Variants in SLC2A5 observed in about 807,000 individuals in gnomAD.
SLC2A5 encodes solute carrier family 2, facilitated glucose transporter member 5.
A neutral mutation model predicts 50.3 loss-of-function variants in SLC2A5; 56 were observed. The ratio of observed to expected loss-of-function variants is 1.11; its 90% CI spans 0.90 to 1.39. SLC2A5 has a LOEUF of 1.39. Among genes scored for constraint, SLC2A5 ranks in the 40% most tolerant of loss-of-function variants. The probability of loss-of-function intolerance (pLI) is 0.00; values close to 1 mark genes in which losing one functional copy is unlikely to be tolerated. For missense variants in SLC2A5, 566 were observed against 650.1 expected, an observed-to-expected ratio of 0.87 and a Z score of 1.41; for synonymous variants, 269 against 281.9, an observed-to-expected ratio of 0.95 and a Z score of 0.46.
At chr1:9,074,419 C>A (rs1408477950), upstream of SLC2A5, among the ~76,000 whole-genome samples, 1 of 151,998 alleles carries the variant, frequency 6.6e-6, no homozygotes, top group Non-Finnish European at 1.5e-5. Flanking sequence ...AGTATGGTAA[C>A]CTACATGTTA....
At chr1:9,063,688 T>TATAGAGACAGGG (rs1642005139) in intron 1 of SLC2A5, among the ~76,000 whole-genome samples, 1 of 32,358 alleles carries the variant, frequency 3.1e-5, no homozygotes, top group African/African-American at 2.5e-4. Flanking sequence ...TTACTTTTTT[T>TATAGAGACAGGG]TTTTTTTTTT....
chr1:9,092,512 C>G (rs116198061), upstream of SLC2A5, among the ~76,000 whole-genome samples: 703 of 152,270 alleles, frequency 4.6e-3, 1 homozygote, highest in Non-Finnish European at 7.1e-3. Flanking sequence ...TCCAATACCC[C>G]CTTCTTTCCC....
rs889317569 is a variant in SLC2A5 at position 9,047,552 on chromosome 1, T to C, written c.418+58A>G. On this transcript the variant is annotated intron_variant, in intron 4 of 11. Coordinates refer to ENST00000377424, the MANE Select transcript of SLC2A5 (RefSeq NM_003039.3). ...AGATTGGTTCTAGTCCCTGGGAACCTGTTGTCCTCCTCCTTGACGACCCTC... is the reference window on the plus strand; with the variant it reads ...AGATTGGTTCTAGTCCCTGGGAACCCGTTGTCCTCCTCCTTGACGACCCTC... The C allele has an allele frequency of 2.5e-6, 4 of 1,584,444 alleles. No individual in the cohort carries two copies. The African/African-American group carries it at 5.4e-5, about 21-fold the overall frequency.
chr1:9,049,262 A>G, intron 3 of SLC2A5: 1 of 449,688 alleles, frequency 2.2e-6, no homozygotes, highest in Non-Finnish European at 4.5e-6. Flanking sequence ...GCTTATACTA[A>G]CAGCACACCT....
At chr1:9,075,035 A>C (rs1352666013) in intron 2 of SLC2A5, among the ~76,000 whole-genome samples, 1 of 151,798 alleles carries the variant, frequency 6.6e-6, no homozygotes, top group Non-Finnish European at 1.5e-5. Flanking sequence ...AACAAAACAA[A>C]AAAAAAAAGA....
intron 2 of SLC2A5, among the ~76,000 whole-genome samples, chr1:9,082,101 G>A (rs551659793): frequency 2.0e-5 from 3 of 152,066 alleles, no homozygotes; most frequent in South Asian, 2.1e-4. Context: ...AAAATAAAAC[G>A]AATGTTGTTT....
At chr1:9,089,189 G>A (rs1642437105), upstream of SLC2A5, among the ~76,000 whole-genome samples, 1 of 152,144 alleles carries the variant, frequency 6.6e-6, no homozygotes, top group Non-Finnish European at 1.5e-5. Flanking sequence ...GGGAGATGCT[G>A]GCATCAGATA....
At position 9,039,807 on chromosome 1, in the gene SLC2A5, A is replaced by G; in HGVS notation, c.878T>C (p.Val293Ala). ...VLMGGQQLSG[V>A]NAIYYYADQI... ...CCGCAGCCCGGCCCATACAGCGTTGACGCCCGACAGCTGCTGGCCGCCCAT... is the reference window on the plus strand; with the variant it reads ...CCGCAGCCCGGCCCATACAGCGTTGGCGCCCGACAGCTGCTGGCCGCCCAT... Residue 293 changes from valine (V) to alanine (A), a missense_variant, in exon 7 of 12, where the codon GTC (valine) becomes GCC (alanine). Transcript: ENST00000377424. 6.3e-7 allele frequency: 1 copy of G among 1,586,216 alleles called. No individual in the cohort carries two copies. The highest frequency in any genetic ancestry group is 1.1e-5 in the South Asian group (1 of 88,210).
intron 2 of SLC2A5, among the ~76,000 whole-genome samples, chr1:9,080,410 G>A (rs960027374): frequency 5.3e-5 from 8 of 152,028 alleles, no homozygotes; most frequent in Non-Finnish European, 8.8e-5. Flanking sequence ...CAGTAGCTAC[G>A]CCATTTTACG....
At position 9,038,024 on chromosome 1, in the gene SLC2A5, C is replaced by T; in HGVS notation, c.1175G>A (p.Ser392Asn). Residue 392 changes from serine (S) to asparagine (N), a missense_variant and splice_region_variant, in exon 11 of 12, where the codon AGT becomes AAT. Transcript: ENST00000377424. ...AGTGATGAGCAGCGCGGGTATGGGA[C>T]CTGTAGGGGGAGGAGAGCAGCCTCC... ...SYVIGHALGP[S>N]PIPALLITEI... is the part of the protein sequence containing the mutation. 1 of 1,613,628 alleles carries T rather than the reference C, an allele frequency of 6.2e-7. No homozygotes were observed. Among genetic ancestry groups the T allele is most frequent in the South Asian group, 1.1e-5 (1 of 91,078 alleles).
rs570397734 is a variant in SLC2A5 at position 9,056,125 on chromosome 1, C to T, written c.293+1323G>A. On this transcript the variant is annotated intron_variant, in intron 3 of 11. Transcript: ENST00000377424. ...GCTCCATGAGGGCCCACAGGGAAAACTGTGGGTTCAACACTAATCTCTCAA... is the reference window on the plus strand; with the variant it reads ...GCTCCATGAGGGCCCACAGGGAAAATTGTGGGTTCAACACTAATCTCTCAA... Among the ~76,000 whole-genome samples, 33 of 152,284 alleles carry T rather than the reference C, an allele frequency of 2.2e-4. No homozygotes were observed. In the East Asian group the frequency reaches 6.0e-3, roughly 28 times the overall value.
At chr1:9,049,268 C>A (rs1353782962) in intron 3 of SLC2A5, 1 of 442,126 alleles carries the variant, frequency 2.3e-6, no homozygotes, top group Non-Finnish European at 4.5e-6. Flanking sequence ...ACTAACAGCA[C>A]ACCTTCAGAC....
rs75739730 is a variant in SLC2A5 at position 9,058,958 on chromosome 1, T to C, written c.34-708A>G. On this transcript the variant is annotated intron_variant, in intron 1 of 11. Coordinates refer to ENST00000377424, the MANE Select transcript of SLC2A5 (RefSeq NM_003039.3). Reference sequence around the variant, plus strand: ...AGCTTAATTTCTAGGATCTTCAGTTTCTTCATCTCTGAAATGAGGACAATC... The same window carrying C: ...AGCTTAATTTCTAGGATCTTCAGTTCCTTCATCTCTGAAATGAGGACAATC... 3.0e-3 allele frequency among the ~76,000 whole-genome samples: 458 copies of C among 152,126 alleles called. 11 individuals carry two copies. The East Asian group carries it at 0.037, about 12-fold the overall frequency.
At chr1:9,083,866 C>A (rs1642377470) in intron 2 of SLC2A5, among the ~76,000 whole-genome samples, 1 of 148,396 alleles carries the variant, frequency 6.7e-6, no homozygotes, top group Non-Finnish European at 1.5e-5. Flanking sequence ...TAAACCCGGC[C>A]AGGCACGGTG....
At chr1:9,038,794 G>A (rs781665214) in intron 9 of SLC2A5, 34 bp downstream of exon 9, 5 of 1,537,752 alleles carry the variant, frequency 3.3e-6, no homozygotes, top group Admixed American at 2.0e-5. Flanking sequence ...TCCTGGTGCA[G>A]CTCCGGGCTC....
chr1:9,038,316 G>C (rs1472673792), intron 10 of SLC2A5, 115 bp downstream of exon 10: 1 of 802,432 alleles, frequency 1.2e-6, no homozygotes, highest in East Asian at 2.5e-5. Flanking sequence ...GACGGGGGAA[G>C]AGATGCCATT....
Position 9,037,191 on chromosome 1 carries a change from C to T in SLC2A5, c.*395G>A, listed in dbSNP as rs533460242. 19 of 207,716 alleles carry T rather than the reference C, an allele frequency of 9.1e-5. No individual in the cohort carries two copies. The highest frequency in any genetic ancestry group is 1.7e-4 in the Non-Finnish European group (17 of 101,944). The allele number at this position is 207,716 out of a possible 1,614,324, so 12.9% of individuals were successfully genotyped here. On this transcript the variant is annotated 3_prime_UTR_variant, in exon 12 of 12. Coordinates refer to ENST00000377424, the MANE Select transcript of SLC2A5 (RefSeq NM_003039.3). ...GCCCCGGAAGACCTGTCGGGGCCAC[C>T]AAGTTAGTTTCTCTGGCAAAATTTG...
chr1:9,083,360 T>C (rs547589603), intron 2 of SLC2A5, among the ~76,000 whole-genome samples: 2 of 152,148 alleles, frequency 1.3e-5, no homozygotes, highest in South Asian at 2.1e-4. Flanking sequence ...GAATAGAAAA[T>C]TCCAGGCAGC....
chr1:9,059,536 CTTTTT>C (rs58395185), intron 1 of SLC2A5, among the ~76,000 whole-genome samples: 4 of 98,396 alleles, frequency 4.1e-5, no homozygotes, highest in East Asian at 3.4e-4. Context: ...TACAGAGAAT[CTTTTT>C]TTTTTTTTTT....
Sources: allele counts gnomAD v4.1 joint callset (sites outside exome capture counted in the v4.1 genomes callset), GRCh38; gene constraint gnomAD v4.1.1; transcripts MANE v1.5; gene names NCBI Gene and HGNC (gene_info 2026-07-23, HGNC 2026-07-21).